The following ZNF385B variants were observed in gnomAD, a reference collection of about 807,000 sequenced individuals.
ZNF385B encodes the protein zinc finger protein 385B.
A neutral mutation model predicts 39.2 loss-of-function variants in ZNF385B; 23 were observed. The observed-to-expected ratio is 0.59, with a 90% CI of 0.42 to 0.83. The LOEUF is 0.83. Ranked by LOEUF, ZNF385B falls within the 40% of genes least tolerant of loss-of-function variation. ZNF385B has a pLI of 0.00. For synonymous variants in ZNF385B, 205 were observed against 222.6 expected, an observed-to-expected ratio of 0.92 and a Z score of 0.70; for missense variants, 552 against 598.9, an observed-to-expected ratio of 0.92 and a Z score of 0.82.
intron 3 of ZNF385B, among the ~76,000 whole-genome samples, chr2:179,648,861 G>T (rs536138417): frequency 6.6e-6 from 1 of 152,236 alleles, no homozygotes; most frequent in Admixed American, 6.5e-5. Context: ...CATCCATATG[G>T]ATAGAAATAA....
intron 3 of ZNF385B, among the ~76,000 whole-genome samples, chr2:179,765,304 T>C (rs1021225533): frequency 6.6e-6 from 1 of 152,230 alleles, no homozygotes; most frequent in African/African-American, 2.4e-5. Context: ...TGATAATTTA[T>C]GCTGCCTAGT....
At chr2:179,507,235 T>C (rs1298047522) in intron 5 of ZNF385B, among the ~76,000 whole-genome samples, 1 of 152,200 alleles carries the variant, frequency 6.6e-6, no homozygotes, top group East Asian at 1.9e-4. Flanking sequence ...TAAGTGATCA[T>C]CATTCCAGAT....
chr2:179,731,617 C>T (rs1410752715), intron 3 of ZNF385B, among the ~76,000 whole-genome samples: 2 of 152,106 alleles, frequency 1.3e-5, no homozygotes, highest in Admixed American at 1.3e-4. Context: ...GGAGTGTGGG[C>T]ATGGTATCAC....
At chr2:179,857,409 C>T (rs996548625) in intron 1 of ZNF385B, among the ~76,000 whole-genome samples, 3 of 152,178 alleles carry the variant, frequency 2.0e-5, no homozygotes, top group Admixed American at 2.0e-4. Flanking sequence ...CAAAATATAA[C>T]AGAGTTTGCT....
intron 5 of ZNF385B, among the ~76,000 whole-genome samples, chr2:179,493,442 T>G (rs1438535769): frequency 6.6e-6 from 1 of 151,560 alleles, no homozygotes; most frequent in Admixed American, 6.6e-5. Flanking sequence ...TGTACGTATA[T>G]GCATGTGTAC....
At chr2:179,763,368 ATCT>A (rs764405946) in intron 3 of ZNF385B, among the ~76,000 whole-genome samples, 13 of 152,282 alleles carry the variant, frequency 8.5e-5, no homozygotes, top group South Asian at 4.1e-4. Context: ...TCTCATTGGT[ATCT>A]TCTTCTTTCT....
At chr2:179,469,350 G>A (rs2052481808) in intron 6 of ZNF385B, among the ~76,000 whole-genome samples, 1 of 152,194 alleles carries the variant, frequency 6.6e-6, no homozygotes, top group African/African-American at 2.4e-5. Flanking sequence ...ACAAATTCGT[G>A]TTGGATTGCA....
intron 3 of ZNF385B, chr2:179,745,810 A>G (rs1350041197): frequency 6.8e-7 from 1 of 1,478,398 alleles, no homozygotes; most frequent in Non-Finnish European, 9.0e-7. Context: ...TGACCAGGAT[A>G]ATGCACAGCG....
chr2:179,695,310 G>A (rs1288749553), intron 3 of ZNF385B, among the ~76,000 whole-genome samples: 1 of 151,868 alleles, frequency 6.6e-6, no homozygotes, highest in African/African-American at 2.4e-5. Context: ...CCAAAAATAT[G>A]AGCAACAAAA....
intron 3 of ZNF385B, among the ~76,000 whole-genome samples, chr2:179,752,620 C>T (rs372998987): frequency 0.05 from 7,654 of 151,578 alleles, 264 homozygotes; most frequent in Middle Eastern, 0.099. Flanking sequence ...TTTTAATGAT[C>T]GCCATTCTAA....
At chr2:179,819,023 A>T (rs999249058) in intron 1 of ZNF385B, among the ~76,000 whole-genome samples, 2 of 106,816 alleles carry the variant, frequency 1.9e-5, no homozygotes, top group Non-Finnish European at 3.8e-5. Context: ...AAATATGTGC[A>T]TGTTTATAAA....
chr2:179,784,789 T>C (rs1704888012), intron 1 of ZNF385B, among the ~76,000 whole-genome samples: 1 of 152,000 alleles, frequency 6.6e-6, no homozygotes, highest in African/African-American at 2.4e-5. Flanking sequence ...TGACAGAAAA[T>C]ATGTGTTTCA....
intron 3 of ZNF385B, among the ~76,000 whole-genome samples, chr2:179,647,034 G>A (rs1057290126): frequency 3.3e-5 from 5 of 152,060 alleles, no homozygotes; most frequent in Non-Finnish European, 5.9e-5. Flanking sequence ...CCTGCCCTCC[G>A]GGTCAGGCTG....
At chr2:179,615,558 T>G (rs1378523222) in intron 3 of ZNF385B, among the ~76,000 whole-genome samples, 1 of 152,200 alleles carries the variant, frequency 6.6e-6, no homozygotes, top group Non-Finnish European at 1.5e-5. Context: ...ATGGGAAAAA[T>G]CAAGGTGCTC....
At chr2:179,643,131 G>GTT (rs59495753) in intron 3 of ZNF385B, among the ~76,000 whole-genome samples, 26,432 of 150,276 alleles carry the variant, frequency 0.18, 2,763 homozygotes, top group Non-Finnish European at 0.24. Flanking sequence ...AACTATTTTT[G>GTT]TTTTTTTTTG....
chr2:179,519,048 A>G (rs774426534), intron 4 of ZNF385B, among the ~76,000 whole-genome samples: 3 of 152,148 alleles, frequency 2.0e-5, no homozygotes, highest in Non-Finnish European at 4.4e-5. Flanking sequence ...TGGCGTGATC[A>G]TAGTTCACTG....
chr2:179,545,616 T>C (rs538414494), intron 3 of ZNF385B, among the ~76,000 whole-genome samples: 2 of 152,312 alleles, frequency 1.3e-5, no homozygotes, highest in Admixed American at 6.5e-5. Context: ...GGACAGGTAG[T>C]AGTTAGGACA....
intron 3 of ZNF385B, among the ~76,000 whole-genome samples, chr2:179,668,515 A>G (rs1332868911): frequency 6.7e-6 from 1 of 150,130 alleles, no homozygotes; most frequent in Non-Finnish European, 1.5e-5. Flanking sequence ...AGCTAAATGG[A>G]TGGAAACAGT....
intron 3 of ZNF385B, among the ~76,000 whole-genome samples, chr2:179,730,968 ACAC>A (rs1366954987): frequency 6.6e-6 from 1 of 152,246 alleles, no homozygotes; most frequent in Non-Finnish European, 1.5e-5. Context: ...TTTTTACCAA[ACAC>A]CATCAAAATA....
Sources: allele counts gnomAD v4.1 joint callset (sites outside exome capture counted in the v4.1 genomes callset), GRCh38; gene constraint gnomAD v4.1.1; transcripts MANE v1.5; gene names NCBI Gene and HGNC (gene_info 2026-07-23, HGNC 2026-07-21).